The following CERKL variants were observed in gnomAD, a reference collection of about 807,000 sequenced individuals.
The protein encoded by CERKL is CERK like autophagy regulator.
A neutral mutation model predicts 63.4 loss-of-function variants in CERKL; 61 were observed. The ratio of observed to expected loss-of-function variants is 0.96; its 90% CI spans 0.78 to 1.19. The LOEUF is 1.19. Among genes scored for constraint, CERKL ranks in the 50% most tolerant of loss-of-function variants. CERKL has a pLI of 0.00. For missense variants in CERKL, 675 were observed against 655.5 expected (o/e 1.03, Z -0.33); for synonymous variants, 250 against 230.5 (o/e 1.08, Z -0.77).
intron 11 of CERKL, among the ~76,000 whole-genome samples, chr2:181,544,216 G>A (rs541053598): frequency 3.9e-5 from 6 of 151,946 alleles, no homozygotes; most frequent in African/African-American, 1.5e-4. Context: ...TTCTCATTTT[G>A]AATGAATATT....
chr2:181,573,682 G>T, intron 3 of CERKL, 71 bp downstream of exon 3: 2 of 1,438,252 alleles, frequency 1.4e-6, no homozygotes, highest in Non-Finnish European at 9.7e-7. Context: ...TTTGCATTAA[G>T]GACAAATTCA....
At position 181,568,595 on chromosome 2, in the gene CERKL, T is replaced by C. The variant is rs1310472200; in HGVS notation, c.614-2474A>G. On this transcript the variant is annotated intron_variant, in intron 3 of 12. Transcript: ENST00000410087. ...GTATCTGTAACCAGAATATCTAAAA[T>C]CCAAAACGCTTCAACATCTAAAAAT... 2.6e-5 allele frequency among the ~76,000 whole-genome samples: 4 copies of C among 151,988 alleles called. No homozygotes were observed. The East Asian group carries it at 7.7e-4, about 29-fold the overall frequency.
At chr2:181,555,314 T>C (rs1430737854) in intron 5 of CERKL, among the ~76,000 whole-genome samples, 2 of 152,196 alleles carry the variant, frequency 1.3e-5, no homozygotes, top group Non-Finnish European at 2.9e-5. Flanking sequence ...TCCACCATTA[T>C]AGTCAGAACT....
At chr2:181,584,837 GT>G (rs1198748043) in intron 2 of CERKL, among the ~76,000 whole-genome samples, 1 of 150,092 alleles carries the variant, frequency 6.7e-6, no homozygotes, top group Non-Finnish European at 1.5e-5. Context: ...TTTTGTTTTT[GT>G]TTTTTTCAGA....
chr2:181,573,711 T>C lies in CERKL; in HGVS notation c.613+42A>G, dbSNP rs757786609. On this transcript the variant is annotated intron_variant, in intron 3 of 12. Transcript: ENST00000410087. ...AAATTCAGATTATTTTGCTTTTGTA[T>C]GTTTTTGTAGATGGTGAAATTATAT... is the stretch of plus-strand genomic sequence containing the variant. 13 of 1,582,402 alleles carry C rather than the reference T, an allele frequency of 8.2e-6. 1 individual carries two copies. The South Asian group carries it at 1.5e-4, about 18-fold the overall frequency.
Position 181,536,838 on chromosome 2 carries a change from G to T in CERKL, c.*1346C>A. On this transcript the variant is annotated 3_prime_UTR_variant, in exon 13 of 13. Transcript: ENST00000410087. ...GCAGAATATCATTTTATCTGACTCT[G>T]CCTTCATAAGAGAGCTGTGGCCGAA... 1 of 386,542 alleles carries T rather than the reference G, an allele frequency of 2.6e-6. No homozygotes were observed. The allele number at this position is 386,542 out of a possible 1,614,324, so 23.9% of individuals were successfully genotyped here.
intron 2 of CERKL, among the ~76,000 whole-genome samples, chr2:181,574,419 A>G (rs1443676800): frequency 1.3e-5 from 2 of 152,122 alleles, no homozygotes; most frequent in Admixed American, 1.3e-4. Flanking sequence ...GCATGCTGGG[A>G]GTTAAAAAGA....
intron 1 of CERKL, chr2:181,650,144 AGG>A (rs1687857223): frequency 1.4e-5 from 2 of 142,570 alleles, no homozygotes; most frequent in African/African-American, 3.0e-5. Flanking sequence ...GAAGGAAGGA[AGG>A]AAGGAAGGAA....
chr2:181,603,394 C>A (rs1219723502), intron 2 of CERKL, among the ~76,000 whole-genome samples: 2 of 152,172 alleles, frequency 1.3e-5, no homozygotes, highest in Non-Finnish European at 2.9e-5. Flanking sequence ...TCAAGAGTTA[C>A]TTCCTAACTC....
At chr2:181,578,994 C>T (rs35422768) in intron 2 of CERKL, among the ~76,000 whole-genome samples, 57,198 of 151,704 alleles carry the variant, frequency 0.38, 11,431 homozygotes, top group African/African-American at 0.46. Flanking sequence ...TCACTCACTA[C>T]AGAAACAGCA....
At chr2:181,578,197 CGT>C (rs1491461637) in intron 2 of CERKL, among the ~76,000 whole-genome samples, 1 of 151,598 alleles carries the variant, frequency 6.6e-6, no homozygotes, top group Non-Finnish European at 1.5e-5. Flanking sequence ...TATACACACA[CGT>C]ATATATATAC....
In CERKL at chr2:181,550,653, C is replaced by G. The variant is rs184372488; in HGVS notation, c.821-945G>C. On this transcript the variant is annotated intron_variant, in intron 5 of 12. Coordinates refer to ENST00000410087, the MANE Select transcript of CERKL (RefSeq NM_201548.5). This position sits in a 1 kb window ranked among gnomAD's most constrained non-coding sequence, Gnocchi z 4.5. ...GACCAGTCCTCTGGATTTTGTTAAT[C>G]AGAAGCATTCCTATGTGATCATACA... Among the ~76,000 whole-genome samples the G allele has an allele frequency of 5.1e-4, 77 of 152,216 alleles. No individual in the cohort carries two copies. The highest frequency in any genetic ancestry group is 1.6e-3 in the African/African-American group (68 of 41,548).
chr2:181,577,311 C>A (rs1258244057), intron 2 of CERKL, among the ~76,000 whole-genome samples: 3 of 152,176 alleles, frequency 2.0e-5, no homozygotes, highest in Non-Finnish European at 4.4e-5. Context: ...AGGACTGCAA[C>A]TAGTAGTGCC....
chr2:181,629,366 A>G (rs781706862), intron 1 of CERKL, among the ~76,000 whole-genome samples: 9 of 152,298 alleles, frequency 5.9e-5, no homozygotes, highest in Admixed American at 2.6e-4. Flanking sequence ...CAGTATTCTG[A>G]TTGTAGTAGG....
chr2:181,643,384 C>A (rs34091226), intron 1 of CERKL, among the ~76,000 whole-genome samples: 6,299 of 152,304 alleles, frequency 0.041, 201 homozygotes, highest in Non-Finnish European at 0.066. Context: ...CTGCTGAAAT[C>A]TTTCCTACAC....
chr2:181,568,936 T>C (rs1034359930), intron 3 of CERKL, among the ~76,000 whole-genome samples: 36 of 150,224 alleles, frequency 2.4e-4, no homozygotes, highest in African/African-American at 8.6e-4. Flanking sequence ...ATAATGCAAA[T>C]ATTCCAAAAG....
intron 1 of CERKL, among the ~76,000 whole-genome samples, chr2:181,624,219 T>C (rs1348075303): frequency 6.6e-6 from 1 of 152,122 alleles, no homozygotes; most frequent in Non-Finnish European, 1.5e-5. Flanking sequence ...CGATGTGCTC[T>C]AATGTACACT....
chr2:181,567,472 A>AT (rs1234350372), intron 3 of CERKL, among the ~76,000 whole-genome samples: 1 of 151,980 alleles, frequency 6.6e-6, no homozygotes, highest in Non-Finnish European at 1.5e-5. Context: ...TGCTATTTTT[A>AT]TTTTTTTAAT....
intron 1 of CERKL, 55 bp downstream of exon 1, chr2:181,656,714 G>C (rs879245279): frequency 1.4e-6 from 2 of 1,433,518 alleles, no homozygotes; most frequent in Non-Finnish European, 1.9e-6. Context: ...GCCTTGGGCC[G>C]GGGAGAGGGA....
Sources: gnomAD v4.1 joint callset for allele counts (sites outside exome capture counted in the v4.1 genomes callset) on GRCh38, gnomAD v4.1.1 for gene constraint, Gnocchi (gnomAD v3.1) non-coding constraint, MANE v1.5 for transcripts, NCBI Gene and HGNC (gene_info 2026-07-23, HGNC 2026-07-21) for gene names.